The following PTK2 variants were observed in gnomAD, a reference collection of about 807,000 sequenced individuals.
PTK2 encodes focal adhesion kinase 1.
PTK2 carries 45 observed loss-of-function variants against 150.1 expected under a neutral mutation model. The ratio of observed to expected loss-of-function variants is 0.30; its 90% CI spans 0.24 to 0.38. The LOEUF is 0.38. Among genes scored for constraint, PTK2 ranks in the 10% least tolerant of loss-of-function variants. The pLI, the probability that PTK2 is intolerant of heterozygous loss-of-function variation, is 1.00. For synonymous variants in PTK2, 432 were observed against 449.2 expected (o/e 0.96, Z 0.48); for missense variants, 919 against 1,307.3 (o/e 0.70, Z 4.58).
At chr8:140,998,783 C>T (rs1014801759) in intron 1 of PTK2, among the ~76,000 whole-genome samples, 2 of 147,648 alleles carry the variant, frequency 1.4e-5, no homozygotes, top group African/African-American at 5.0e-5. Flanking sequence ...CGCACCACTG[C>T]ACTCCAGCCT....
At chr8:140,933,421 A>C (rs562938131) in intron 1 of PTK2, among the ~76,000 whole-genome samples, 46 of 152,354 alleles carry the variant, frequency 3.0e-4, no homozygotes, top group African/African-American at 5.3e-4. Flanking sequence ...TGAGAAGAAG[A>C]AGCAGGTGGA....
At chr8:140,826,773 C>T (rs1434972101) in intron 8 of PTK2, among the ~76,000 whole-genome samples, 1 of 152,034 alleles carries the variant, frequency 6.6e-6, no homozygotes, top group African/African-American at 2.4e-5. Flanking sequence ...CAAAAATTAG[C>T]TGGGCATGGT....
intron 27 of PTK2, among the ~76,000 whole-genome samples, chr8:140,684,863 T>A (rs905986751): frequency 6.6e-6 from 1 of 152,150 alleles, no homozygotes; most frequent in Non-Finnish European, 1.5e-5. Flanking sequence ...AAACTACCAA[T>A]AACATGCTTT....
chr8:140,879,890 A>C (rs985350282), intron 3 of PTK2, among the ~76,000 whole-genome samples: 5 of 152,166 alleles, frequency 3.3e-5, no homozygotes, highest in African/African-American at 1.2e-4. Context: ...GAAAACATAA[A>C]GAGATTCTCT....
At chr8:140,879,734 A>C (rs551333487) in intron 3 of PTK2, 97 bp from the exon 4 acceptor site, 9 of 1,089,446 alleles carry the variant, frequency 8.3e-6, no homozygotes, top group African/African-American at 3.3e-5. Flanking sequence ...CAAAAAAAAA[A>C]CTATATGCTA....
In PTK2 at chr8:140,979,052, T is replaced by C. The variant is rs1340834833; in HGVS notation, c.-122+22073A>G. ...CCATGTTCTCACTCATATGTGGGAATTGAACAATGAGAACACATGGACACA... is the reference window on the plus strand; with the variant it reads ...CCATGTTCTCACTCATATGTGGGAACTGAACAATGAGAACACATGGACACA... On this transcript the variant is annotated intron_variant, in intron 1 of 31. Coordinates refer to ENST00000522684, the Ensembl canonical transcript of PTK2. Among the ~76,000 whole-genome samples the C allele has an allele frequency of 3.0e-4, 41 of 136,540 alleles. No individual in the cohort carries two copies. In the South Asian group the frequency reaches 6.2e-3, roughly 21 times the overall value. 89.6% of individuals were successfully genotyped at this position (136,540 alleles called of 152,430 possible).
intron 1 of PTK2, among the ~76,000 whole-genome samples, chr8:140,993,914 G>A (rs1320162253): frequency 1.3e-5 from 2 of 152,064 alleles, no homozygotes; most frequent in Admixed American, 1.3e-4. Context: ...ATCTCTTGTA[G>A]AGACCAAGTT....
At chr8:140,701,096 C>G in intron 25 of PTK2, 74 bp from the exon 29 acceptor site, 1 of 1,462,614 alleles carries the variant, frequency 6.8e-7, no homozygotes, top group Non-Finnish European at 9.2e-7. Context: ...TTTTATGTGT[C>G]TTTCAAGAAA....
chr8:140,797,237 T>C (rs1311873868), intron 12 of PTK2, among the ~76,000 whole-genome samples: 1 of 152,220 alleles, frequency 6.6e-6, no homozygotes, highest in East Asian at 1.9e-4. Flanking sequence ...TATCCATATA[T>C]TCACTGGACA....
chr8:140,791,618 A>G (rs2100088478), intron 13 of PTK2, among the ~76,000 whole-genome samples: 4 of 152,190 alleles, frequency 2.6e-5, no homozygotes, highest in Admixed American at 1.3e-4. Flanking sequence ...CTGGTAATTA[A>G]TAACTAGAAA....
intron 1 of PTK2, among the ~76,000 whole-genome samples, chr8:140,987,827 G>C (rs902948318): frequency 6.6e-6 from 1 of 152,162 alleles, no homozygotes; most frequent in Non-Finnish European, 1.5e-5. Context: ...AGGATTGCTT[G>C]AGCACAGGAG....
intron 21 of PTK2, among the ~76,000 whole-genome samples, chr8:140,737,552 A>G (rs1056872548): frequency 1.3e-5 from 2 of 152,240 alleles, no homozygotes; most frequent in Non-Finnish European, 1.5e-5. Context: ...AAACTAAAGT[A>G]TGATACAATT....
At chr8:140,777,358 G>A (rs2100079045) in intron 14 of PTK2, among the ~76,000 whole-genome samples, 1 of 152,142 alleles carries the variant, frequency 6.6e-6, no homozygotes, top group Admixed American at 6.5e-5. Flanking sequence ...GGGGTGGGGT[G>A]GGGAAAAGCC....
At chr8:140,738,953 A>AT (rs11464275) in intron 21 of PTK2, 65 bp downstream of exon 24, 454,059 of 1,076,308 alleles carry the variant, frequency 0.42, 89,221 homozygotes, top group East Asian at 0.61. Flanking sequence ...AAAAGAGATA[A>AT]TTTTTTTTTG....
At chr8:140,739,079 C>A in exon 21 of PTK2, 2 of 1,557,238 alleles carry the variant, frequency 1.3e-6, no homozygotes, top group Admixed American at 1.8e-5. Flanking sequence ...CTGGAGCCAT[C>A]CATTTAATAG....
At chr8:140,898,226 C>T (rs1177843537) in intron 2 of PTK2, among the ~76,000 whole-genome samples, 1 of 152,190 alleles carries the variant, frequency 6.6e-6, no homozygotes, top group Non-Finnish European at 1.5e-5. Flanking sequence ...CATAAAATTA[C>T]TATCAAATTG....
At chr8:140,885,552 C>A (rs1365311675) in intron 3 of PTK2, among the ~76,000 whole-genome samples, 1 of 152,122 alleles carries the variant, frequency 6.6e-6, no homozygotes, top group East Asian at 1.9e-4. Flanking sequence ...AGAAAAACAG[C>A]AATGGTGAGG....
At chr8:140,962,275 G>C (rs1000277561) in intron 1 of PTK2, among the ~76,000 whole-genome samples, 1 of 53,692 alleles carries the variant, frequency 1.9e-5, no homozygotes, top group Non-Finnish European at 7.1e-5. Context: ...AAGGGAGGGA[G>C]GAAGGGAGGG....
chr8:140,771,397 A>G (rs1276877437), intron 14 of PTK2: 2 of 152,354 alleles, frequency 1.3e-5, no homozygotes, highest in East Asian at 3.8e-4. Flanking sequence ...TAGAGTCAAA[A>G]AGCTGGATCG....
Sources: gnomAD v4.1 joint callset for allele counts (sites outside exome capture counted in the v4.1 genomes callset) on GRCh38, gnomAD v4.1.1 for gene constraint, MANE v1.5 for transcripts, NCBI Gene and HGNC (gene_info 2026-07-23, HGNC 2026-07-21) for gene names.